DGKD: variants seen among roughly 807,000 people sequenced by gnomAD.
The protein encoded by DGKD is DAG kinase delta.
A neutral mutation model predicts 154.4 loss-of-function variants in DGKD; 68 were observed. The observed-to-expected ratio is 0.44, with a 90% confidence interval of 0.36 to 0.54. The LOEUF (loss-of-function observed/expected upper bound fraction) is 0.54. DGKD is among the 20% of genes least tolerant of loss of function. The probability of loss-of-function intolerance (pLI) is 0.00; values close to 1 mark genes in which losing one functional copy is unlikely to be tolerated. For synonymous variants in DGKD, 693 were observed against 638.0 expected (o/e 1.09, Z -1.30); for missense variants, 1,343 against 1,593.6 (o/e 0.84, Z 2.68).
intron 27 of DGKD, among the ~76,000 whole-genome samples, chr2:233,466,776 T>G (rs1302445974): frequency 6.6e-6 from 1 of 152,246 alleles, no homozygotes; most frequent in East Asian, 1.9e-4. Context: ...TAATTTTTGT[T>G]TAGATACTGA....
At chr2:233,455,609 G>A (rs1687469892) in intron 19 of DGKD, among the ~76,000 whole-genome samples, 2 of 152,202 alleles carry the variant, frequency 1.3e-5, no homozygotes, top group Admixed American at 1.3e-4. Flanking sequence ...GGGGTTGACG[G>A]TGTTTGTGCA....
In DGKD at chr2:233,419,241, C is replaced by G. The variant is rs538276927; in HGVS notation, c.349-15139C>G. ...TGCCCCCAGCACCGTCCCTTTGCCC[C>G]TCTTTTGGTTGGTGGCTGATTGCAC... On this transcript the variant is annotated intron_variant, in intron 3 of 29. Coordinates refer to ENST00000264057, the MANE Select transcript of DGKD (RefSeq NM_152879.3). 8 of 985,696 alleles carry G rather than the reference C, an allele frequency of 8.1e-6. No individual in the cohort carries two copies. In the South Asian group the frequency reaches 2.8e-4, roughly 35 times the overall value. 61.1% of individuals were successfully genotyped at this position (985,696 alleles called of 1,614,324 possible).
Position 233,434,857 on chromosome 2 carries a change from G to C in DGKD, c.542G>C (p.Arg181Pro). The change falls in exon 5 of 30, where the codon CGT (arginine) becomes CCT (proline). Residue 181 changes from arginine to proline, a missense_variant. Arg to Pro is a moderately radical substitution (Grantham distance 103). Coordinates refer to ENST00000264057, the MANE Select transcript of DGKD (RefSeq NM_152879.3). ...AGGCCGACCTACTGCAATGTGTGCCGTGAGGCTCTGTCTGGGGTCACGTCG... is the reference window on the plus strand; with the variant it reads ...AGGCCGACCTACTGCAATGTGTGCCCTGAGGCTCTGTCTGGGGTCACGTCG... ...HARPTYCNVC[R>P]EALSGVTSHG... The C allele has an allele frequency of 6.2e-7, 1 of 1,614,170 alleles. No individual in the cohort carries two copies. The highest frequency in any genetic ancestry group is 8.5e-7 in the Non-Finnish European group (1 of 1,180,034).
chr2:233,400,562 G>A (rs542609527), intron 3 of DGKD, among the ~76,000 whole-genome samples: 12 of 152,194 alleles, frequency 7.9e-5, no homozygotes, highest in Admixed American at 2.6e-4. Context: ...CTCTCCTTCC[G>A]TGCCCCCTAC....
chr2:233,433,226 G>C (rs945401268), intron 3 of DGKD, among the ~76,000 whole-genome samples: 3 of 152,176 alleles, frequency 2.0e-5, no homozygotes, highest in African/African-American at 7.2e-5. Context: ...TAAAGAAAAT[G>C]TACATATACA....
At chr2:233,427,725 A>G (rs2062360258) in intron 3 of DGKD, among the ~76,000 whole-genome samples, 1 of 152,212 alleles carries the variant, frequency 6.6e-6, no homozygotes, top group African/African-American at 2.4e-5. Context: ...ATTTGCTTGA[A>G]AAATATGAGC....
rs1467325227 is a variant in DGKD, at chr2:233,448,973, A to G, written c.1615-130A>G. 4 of 1,155,816 alleles carry G rather than the reference A, an allele frequency of 3.5e-6. No homozygotes were observed. In the East Asian group the frequency reaches 7.2e-5, roughly 21 times the overall value. The allele number at this position is 1,155,816 out of a possible 1,614,324, so 71.6% of individuals were successfully genotyped here. A position where few individuals can be genotyped will look rare whatever the true frequency, so the allele number is the denominator to read the frequency against. On this transcript the variant is annotated intron_variant, in intron 14 of 29. Transcript: ENST00000264057. ...GTAGCCTCTGGTCTTTTTGTTACTT[A>G]GGCGTGGAGAGTTAGGATTTTCCTT...
At chr2:233,469,316 C>A (rs41264146) in intron 29 of DGKD, 55 bp from the exon 30 acceptor site, 3 of 1,486,834 alleles carry the variant, frequency 2.0e-6, no homozygotes, top group Admixed American at 3.9e-5. Context: ...TGCTGTGGAG[C>A]CCTCTGGCCC....
chr2:233,442,687 C>T (rs2062937652), intron 10 of DGKD: 1 of 157,650 alleles, frequency 6.3e-6, no homozygotes, highest in African/African-American at 2.4e-5. Flanking sequence ...CTCACTACAA[C>T]CTCTGCCTCC....
Position 233,469,570 on chromosome 2 carries a change from C to A in DGKD, c.*110C>A. 2 of 890,978 alleles carry A rather than the reference C, an allele frequency of 2.2e-6. No homozygotes were observed. The highest frequency in any genetic ancestry group is 3.5e-6 in the Non-Finnish European group (2 of 570,560). The allele number at this position is 890,978 out of a possible 1,614,324, so 55.2% of individuals were successfully genotyped here. ...CTGCCACTGAGGCCCTGGGCAGATG[C>A]TGCAGCCCGCCCCCTTCTCATGGTG... On this transcript the variant is annotated 3_prime_UTR_variant, in exon 30 of 30. Transcript: ENST00000264057.
chr2:233,384,489 C>T (rs1703067361), intron 1 of DGKD, among the ~76,000 whole-genome samples: 1 of 152,138 alleles, frequency 6.6e-6, no homozygotes, highest in South Asian at 2.1e-4. Flanking sequence ...GCAGAGCTGG[C>T]CGTCGCCTTA....
At chr2:233,360,355 ATCC>A (rs1228039638) in intron 1 of DGKD, among the ~76,000 whole-genome samples, 1 of 152,048 alleles carries the variant, frequency 6.6e-6, no homozygotes, top group African/African-American at 2.4e-5. Context: ...GGCTCAGGCA[ATCC>A]TCCTGCCTCA....
intron 3 of DGKD, among the ~76,000 whole-genome samples, chr2:233,428,946 CTCAG>C (rs2062413169): frequency 1.3e-5 from 2 of 152,152 alleles, no homozygotes; most frequent in Admixed American, 6.5e-5. Flanking sequence ...TTATCTGTTG[CTCAG>C]TGTTTATTGT....
chr2:233,378,099 G>A (rs1052921864), intron 1 of DGKD, among the ~76,000 whole-genome samples: 18 of 151,036 alleles, frequency 1.2e-4, no homozygotes, highest in African/African-American at 3.7e-4. Context: ...GCACCACCAC[G>A]CCCAGCTATT....
chr2:233,417,972 T>TGGG (rs2061999925), intron 3 of DGKD, among the ~76,000 whole-genome samples: 2 of 152,308 alleles, frequency 1.3e-5, no homozygotes, highest in Non-Finnish European at 2.9e-5. Flanking sequence ...ATGTCAATAG[T>TGGG]GCTGAGGTTG....
intron 18 of DGKD, 125 bp from the exon 19 acceptor site, chr2:233,454,638 C>T (rs1199650972): frequency 1.6e-5 from 10 of 619,864 alleles, no homozygotes; most frequent in Non-Finnish European, 2.9e-5. Context: ...TAATAAATCT[C>T]TTAGCAGACA....
intron 10 of DGKD, among the ~76,000 whole-genome samples, chr2:233,444,112 G>T (rs901454156): frequency 1.3e-5 from 2 of 152,074 alleles, no homozygotes; most frequent in Non-Finnish European, 2.9e-5. Context: ...GCTGAGCCTT[G>T]GGCCTCTCTG....
rs1249372295 is a variant in DGKD at position 233,438,767 on chromosome 2, T to C, written c.1085+388T>C. ...TCTGTCTATCTATCATCTATCTATC[T>C]ATCTATCTATCTATCTATCTATCTA... On this transcript the variant is annotated intron_variant, in intron 9 of 29. Transcript: ENST00000264057. This position sits in a 1 kb window ranked among gnomAD's most constrained non-coding sequence, Gnocchi z 4.1. Among the ~76,000 whole-genome samples, 1 of 104,322 alleles carries C rather than the reference T, an allele frequency of 9.6e-6. No homozygotes were observed. The highest frequency in any genetic ancestry group is 3.7e-5 in the African/African-American group (1 of 26,748). 68.4% of individuals were successfully genotyped at this position (104,322 alleles called of 152,430 possible). A position where few individuals can be genotyped will look rare whatever the true frequency, so the allele number is the denominator to read the frequency against.
At chr2:233,415,352 A>G (rs1330589373) in intron 3 of DGKD, among the ~76,000 whole-genome samples, 1 of 152,222 alleles carries the variant, frequency 6.6e-6, no homozygotes, top group Non-Finnish European at 1.5e-5. Context: ...AAGTGCCATC[A>G]GGGTGGCTGC....
Sources: gnomAD v4.1 joint callset for allele counts (sites outside exome capture counted in the v4.1 genomes callset) on GRCh38, gnomAD v4.1.1 for gene constraint, Gnocchi (gnomAD v3.1) non-coding constraint, MANE v1.5 for transcripts, NCBI Gene and HGNC (gene_info 2026-07-23, HGNC 2026-07-21) for gene names.